EEF1D: variants seen among roughly 807,000 people sequenced by gnomAD.
The protein encoded by EEF1D is elongation factor 1-delta.
A neutral mutation model predicts 63.9 loss-of-function variants in EEF1D; 47 were observed. The observed-to-expected ratio is 0.74, with a 90% CI of 0.58 to 0.94. The LOEUF (loss-of-function observed/expected upper bound fraction) is 0.94. Ranked by LOEUF, EEF1D falls within the 40% of genes least tolerant of loss-of-function variation. The probability of loss-of-function intolerance (pLI) is 0.00; values close to 1 mark genes in which losing one functional copy is unlikely to be tolerated. For missense variants in EEF1D, 907 were observed against 899.0 expected (o/e 1.01, Z -0.11); for synonymous variants, 412 against 386.1 (o/e 1.07, Z -0.79).
intron 1 of EEF1D, chr8:143,593,935 G>A (rs534949015): frequency 3.1e-5 from 31 of 985,294 alleles, no homozygotes; most frequent in Middle Eastern, 5.2e-4. Flanking sequence ...CAAAGCTTGC[G>A]CAGACGACAG....
chr8:143,590,103 A>G (rs1827675696), intron 2 of EEF1D, 22 bp from the exon 3 acceptor site: 1 of 1,598,198 alleles, frequency 6.3e-7, no homozygotes, highest in African/African-American at 1.3e-5. Flanking sequence ...AGCGATAAAA[A>G]GCAAGCAGAG....
At chr8:143,590,429 A>C in intron 2 of EEF1D, 4 of 705,128 alleles carry the variant, frequency 5.7e-6, no homozygotes, top group South Asian at 2.8e-5. Context: ...TTACACTAAA[A>C]ATTTTTCGTC....
intron 1 of EEF1D, among the ~76,000 whole-genome samples, chr8:143,595,763 G>A (rs978278623): frequency 1.3e-4 from 20 of 152,088 alleles, no homozygotes; most frequent in African/African-American, 4.6e-4. Context: ...CCTGCCCGGC[G>A]CAGCCCCTGT....
chr8:143,581,332 C>T lies in EEF1D; in HGVS notation c.1288-4G>A. 6.2e-7 allele frequency: 1 copy of T among 1,609,618 alleles called. No homozygotes were observed. Among genetic ancestry groups the T allele is most frequent in the South Asian group, 1.1e-5 (1 of 90,718 alleles). On this transcript the variant is annotated splice_polypyrimidine_tract_variant and splice_region_variant and intron_variant, in intron 5 of 9. Coordinates refer to ENST00000618139, the MANE Select transcript of EEF1D (RefSeq NM_001130053.5). ...TGGAGGCCCCGGGGCCTGAGCTCTGCAAGGCAGGAGGAGGGGAGGGCTCAG... is the reference window on the plus strand; with the variant it reads ...TGGAGGCCCCGGGGCCTGAGCTCTGTAAGGCAGGAGGAGGGGAGGGCTCAG...
chr8:143,581,027 A>T, intron 7 of EEF1D, 27 bp downstream of exon 7: 2 of 1,605,222 alleles, frequency 1.2e-6, no homozygotes, highest in South Asian at 1.1e-5. Flanking sequence ...GGTCCCCTGC[A>T]GTGTCAGGCG....
chr8:143,589,704 G>A lies in EEF1D; in HGVS notation c.378C>T (p.Arg126=). ...SLFDQAESSY[R]QKLADVAAQA... is the part of the protein sequence containing the mutation. ...GGGCAGCCACATCTGCCAGCTTCTG[G>A]CGGTAGGAGCTCTCTGCCTGGTCGA... is the stretch of plus-strand genomic sequence containing the variant. Residue 126 remains arginine, a synonymous_variant, in exon 3 of 10, where the codon CGC becomes CGT. Coordinates refer to ENST00000618139, the MANE Select transcript of EEF1D (RefSeq NM_001130053.5). 1 of 1,525,198 alleles carries A rather than the reference G, an allele frequency of 6.6e-7. No individual in the cohort carries two copies. Among genetic ancestry groups the A allele is most frequent in the African/African-American group, 1.4e-5 (1 of 72,040 alleles). 94.5% of individuals were successfully genotyped at this position (1,525,198 alleles called of 1,614,324 possible).
intron 1 of EEF1D, 54 bp from the exon 2 acceptor site, chr8:143,592,714 C>G: frequency 1.0e-6 from 1 of 985,710 alleles, no homozygotes; most frequent in Non-Finnish European, 1.2e-6. Flanking sequence ...GAAAGACTAA[C>G]CGGGTCAGAC....
At chr8:143,591,303 G>A (rs1011652185) in intron 2 of EEF1D, among the ~76,000 whole-genome samples, 2 of 152,230 alleles carry the variant, frequency 1.3e-5, no homozygotes, top group African/African-American at 2.4e-5. Flanking sequence ...TGGATGAGGT[G>A]TTCCCTCAAG....
chr8:143,593,201 G>A (rs1238051366), intron 1 of EEF1D, among the ~76,000 whole-genome samples: 1 of 152,106 alleles, frequency 6.6e-6, no homozygotes, highest in Admixed American at 6.5e-5. Flanking sequence ...TCTCTCAGCA[G>A]GAGCCACCGT....
chr8:143,586,777 C>T lies in EEF1D; in HGVS notation c.1167G>A (p.Arg389=), dbSNP rs946125800. 3 of 1,614,206 alleles carry T rather than the reference C, an allele frequency of 1.9e-6. No homozygotes were observed. Among genetic ancestry groups the T allele is most frequent in the Middle Eastern group, 1.7e-4 (1 of 6,060 alleles). The change falls in exon 4 of 10, where the codon AGG becomes AGA. Residue 389 remains arginine (R), a synonymous_variant. Transcript: ENST00000618139. ...FDKFKYDDAE[R]RFYEQMNGPV... ...GCCCGTTCATCTGCTCGTAGAATCT[C>T]CTTTCTGCGTCGTCATATTTGAACT... is the stretch of plus-strand genomic sequence containing the variant.
chr8:143,592,059 A>T, intron 2 of EEF1D: 1 of 983,304 alleles, frequency 1.0e-6, no homozygotes, highest in Non-Finnish European at 1.2e-6. Context: ...TCCCCTGCTC[A>T]TTCCTTCCCC....
At chr8:143,581,359 GC>G (rs1825524467) in intron 5 of EEF1D, 31 bp from the exon 6 acceptor site, 2 of 1,586,788 alleles carry the variant, frequency 1.3e-6, no homozygotes, top group African/African-American at 2.7e-5. Flanking sequence ...AGGGCTCAGT[GC>G]CCAGCCTGCT....
chr8:143,590,552 CTG>C, intron 2 of EEF1D: 1 of 1,127,860 alleles, frequency 8.9e-7, no homozygotes, highest in Non-Finnish European at 1.1e-6. Flanking sequence ...AGAACGGTCT[CTG>C]TGGCTGTCCT....
rs1825208977 is a variant in EEF1D, at chr8:143,580,414, C to A, written c.1710+92G>T. The A allele has an allele frequency of 9.5e-6, 14 of 1,470,142 alleles. No homozygotes were observed. The South Asian group carries it at 1.6e-4, about 17-fold the overall frequency. The allele number at this position is 1,470,142 out of a possible 1,614,324, so 91.1% of individuals were successfully genotyped here. On this transcript the variant is annotated intron_variant, in intron 8 of 9. Transcript: ENST00000618139. ...ACTCGGCTTTAAAGTCTCCCCAGAA[C>A]CCAGAGGGCAGGGGGAGGGTCACAG...
chr8:143,590,201 G>A (rs1461429099), intron 2 of EEF1D, 120 bp from the exon 3 acceptor site: 2 of 1,409,372 alleles, frequency 1.4e-6, no homozygotes. Flanking sequence ...CCTGGGCAGG[G>A]GCTGAGGATG....
chr8:143,580,833 G>A, intron 7 of EEF1D, 106 bp from the exon 8 acceptor site: 1 of 1,362,158 alleles, frequency 7.3e-7, no homozygotes, highest in Non-Finnish European at 1.0e-6. Flanking sequence ...TGGAGGAAGG[G>A]CAGCCCCTGT....
At position 143,592,552 on chromosome 8, in the gene EEF1D, C is replaced by T. The variant is rs75307239; in HGVS notation, c.-1+95G>A. ...GGCCCTCTGGGCAGACTGGGCCATG[C>T]GCAGGTGGTGCTGGGTTCCCTCAGG... On this transcript the variant is annotated intron_variant, in intron 2 of 9. Coordinates refer to ENST00000618139, the MANE Select transcript of EEF1D (RefSeq NM_001130053.5). 184 of 960,234 alleles carry T rather than the reference C, an allele frequency of 1.9e-4. No homozygotes were observed. The African/African-American group carries it at 3.0e-3, about 15-fold the overall frequency. 59.5% of individuals were successfully genotyped at this position (960,234 alleles called of 1,614,324 possible).
In EEF1D at chr8:143,589,246, C is replaced by T. The variant is rs535353419; in HGVS notation, c.836G>A (p.Arg279Gln). The change falls in exon 3 of 10, where the codon CGG (arginine) becomes CAG (glutamine). Residue 279 changes from arginine to glutamine, a missense_variant. Coordinates refer to ENST00000618139, the MANE Select transcript of EEF1D (RefSeq NM_001130053.5). ...CTTGTTCCCTAAGATGTTGCGGCCC[C>T]GCCGGTCTCTGCGGCCCCGCCGGGC... ...EGARRGRRDR[R>Q]GRNILGNKRA... is the part of the protein sequence containing the mutation. The T allele has an allele frequency of 6.3e-5, 100 of 1,581,958 alleles. No homozygotes were observed. In the South Asian group the frequency reaches 8.9e-4, roughly 14 times the overall value.
chr8:143,593,950 G>T (rs907570692), intron 1 of EEF1D: 2 of 984,232 alleles, frequency 2.0e-6, no homozygotes, highest in Non-Finnish European at 2.4e-6. Flanking sequence ...CGACAGGCAC[G>T]TGCAAGCCTC....
Sources: allele counts gnomAD v4.1 joint callset (sites outside exome capture counted in the v4.1 genomes callset), GRCh38; gene constraint gnomAD v4.1.1; transcripts MANE v1.5; gene names NCBI Gene and HGNC (gene_info 2026-07-23, HGNC 2026-07-21).